The following CCR6 variants were observed in gnomAD, a reference collection of about 807,000 sequenced individuals.
CCR6 encodes C-C motif chemokine receptor 6, also known as C-C chemokine receptor type 6.
Under a neutral mutation model 3.0 loss-of-function variants are expected in CCR6, and 2 were observed. The observed-to-expected ratio is 0.66, with a 90% CI of 0.27 to 2.07. The LOEUF (loss-of-function observed/expected upper bound fraction) is 2.07. CCR6 is among the 30% of genes most tolerant of loss of function. CCR6 has a pLI of 0.14. For missense variants in CCR6, 322 were observed against 462.8 expected (o/e 0.70, Z 2.79); for synonymous variants, 193 against 184.3 (o/e 1.05, Z -0.38).
intron 1 of CCR6, chr6:167,114,955 T>G (rs1408885086): frequency 6.6e-6 from 1 of 152,274 alleles, no homozygotes. Context: ...AAAAAGAATG[T>G]GGCTTTCAGA....
intron 1 of CCR6, among the ~76,000 whole-genome samples, chr6:167,131,918 G>A (rs1583000172): frequency 6.6e-6 from 1 of 152,202 alleles, no homozygotes; most frequent in Non-Finnish European, 1.5e-5. Context: ...CCAGCCATGT[G>A]CCACCCCCAC....
chr6:167,133,970 A>ATATAT (rs1781811612), intron 1 of CCR6, among the ~76,000 whole-genome samples: 2 of 134,136 alleles, frequency 1.5e-5, no homozygotes, highest in African/African-American at 2.9e-5. Flanking sequence ...ATATATATAT[A>ATATAT]GTTTTAACAT....
chr6:167,117,650 C>T (rs968345170), intron 1 of CCR6, among the ~76,000 whole-genome samples: 6 of 151,734 alleles, frequency 4.0e-5, no homozygotes, highest in Non-Finnish European at 5.9e-5. Context: ...CTCCTGACCT[C>T]GTGATCCGCC....
At chr6:167,134,715 C>T (rs574962835) in intron 1 of CCR6, among the ~76,000 whole-genome samples, 2 of 152,328 alleles carry the variant, frequency 1.3e-5, no homozygotes, top group African/African-American at 4.8e-5. Context: ...CCTAGCTGCT[C>T]CCGCTTGGCA....
rs199829317 is a variant in CCR6 at position 167,137,304 on chromosome 6, G to A, written c.1074G>A (p.Arg358=). ...CAGRYSENIS[R]QTSETADNDN... is the part of the protein sequence containing the mutation. ...GGAGGTACTCAGAAAACATTTCTCGGCAGACCAGTGAGACCGCAGATAACG... is the reference window on the plus strand; with the variant it reads ...GGAGGTACTCAGAAAACATTTCTCGACAGACCAGTGAGACCGCAGATAACG... Residue 358 remains arginine, a synonymous_variant, in exon 3 of 3, where the codon CGG becomes CGA. Transcript: ENST00000341935. The surrounding 1 kb of genome is among the most constrained non-coding windows in gnomAD (Gnocchi z 4.6). 4 of 1,613,952 alleles carry A rather than the reference G, an allele frequency of 2.5e-6. No individual in the cohort carries two copies. The highest frequency in any genetic ancestry group is 4.5e-5 in the East Asian group (2 of 44,886).
At chr6:167,114,239 C>A (rs113943899) in intron 1 of CCR6, among the ~76,000 whole-genome samples, 203 of 152,336 alleles carry the variant, frequency 1.3e-3, no homozygotes, top group Non-Finnish European at 2.0e-3. Context: ...CCTGTGCTGT[C>A]CCCACCTCCT....
At chr6:167,131,802 C>T (rs1282614501) in intron 1 of CCR6, among the ~76,000 whole-genome samples, 3 of 152,180 alleles carry the variant, frequency 2.0e-5, no homozygotes, top group Non-Finnish European at 2.9e-5. Flanking sequence ...CACATTTGCG[C>T]GGAAGAGTAC....
chr6:167,126,329 T>C (rs1781668341), intron 1 of CCR6: 1 of 152,254 alleles, frequency 6.6e-6, no homozygotes, highest in Non-Finnish European at 1.5e-5. Context: ...AGTTTATTTC[T>C]AAGTCTAACG....
intron 1 of CCR6, among the ~76,000 whole-genome samples, chr6:167,133,317 C>T (rs994984441): frequency 1.3e-5 from 2 of 152,162 alleles, no homozygotes; most frequent in Non-Finnish European, 2.9e-5. Context: ...CAGTAAGGAT[C>T]GACTTTTTGT....
chr6:167,124,474 T>C (rs1437421480), intron 1 of CCR6, among the ~76,000 whole-genome samples: 1 of 152,172 alleles, frequency 6.6e-6, no homozygotes, highest in Non-Finnish European at 1.5e-5. Flanking sequence ...AGAACATAAA[T>C]GTATTGAACA....
chr6:167,135,090 A>G (rs3093011), intron 1 of CCR6: 1,815 of 152,306 alleles, frequency 0.012, 17 homozygotes, highest in Non-Finnish European at 0.018. Flanking sequence ...TTTCCTGACA[A>G]TCCAGTTGAT....
chr6:167,114,721 T>A (rs990968230), intron 1 of CCR6, among the ~76,000 whole-genome samples: 2 of 152,220 alleles, frequency 1.3e-5, no homozygotes, highest in African/African-American at 2.4e-5. Flanking sequence ...TAGCAGTTTA[T>A]AAGTCAGTGA....
chr6:167,127,393 T>A (rs1286145407), intron 1 of CCR6: 2 of 152,192 alleles, frequency 1.3e-5, no homozygotes, highest in Non-Finnish European at 1.5e-5. Flanking sequence ...TAGGGAAGGA[T>A]GTAGTTAGCA....
At chr6:167,118,109 A>G (rs1435895010), upstream of CCR6, among the ~76,000 whole-genome samples, 2 of 151,332 alleles carry the variant, frequency 1.3e-5, no homozygotes, top group Non-Finnish European at 2.9e-5. Flanking sequence ...TTTAATTACA[A>G]CCTCTCCATG....
chr6:167,138,716 G>T lies in CCR6; in HGVS notation c.*1361G>T, dbSNP rs1781887999. On this transcript the variant is annotated 3_prime_UTR_variant, in exon 3 of 3. Transcript: ENST00000341935. ...AAGCTAAGATGGGTGGATCACTTGA[G>T]GTCAGGAGTTTGAGACCAGCCTGGC... The T allele has an allele frequency of 6.6e-6, 1 of 152,276 alleles. No individual in the cohort carries two copies. Among genetic ancestry groups the T allele is most frequent in the African/African-American group, 2.4e-5 (1 of 41,430 alleles). The allele number at this position is 152,276 out of a possible 1,614,324, so 9.4% of individuals were successfully genotyped here.
intron 1 of CCR6, among the ~76,000 whole-genome samples, chr6:167,112,651 G>A (rs975363231): frequency 6.6e-6 from 1 of 152,156 alleles, no homozygotes; most frequent in African/African-American, 2.4e-5. Context: ...CTCGGTGGAG[G>A]GGCTGGCTTT....
Position 167,137,228 on chromosome 6 carries a change from A to G in CCR6, c.998A>G (p.Asp333Gly). 1 of 1,614,150 alleles carries G rather than the reference A, an allele frequency of 6.2e-7. No individual in the cohort carries two copies. Among genetic ancestry groups the G allele is most frequent in the East Asian group, 2.2e-5 (1 of 44,886 alleles). The stretch of plus-strand genomic sequence containing the variant: ...AACTACTTTCTGAAGATCTTGAAGG[A>G]CCTGTGGTGTGTGAGAAGGAAGTAC... The part of the protein sequence containing the change: ...FRNYFLKILK[D>G]LWCVRRKYKS... The change falls in exon 3 of 3, where the codon GAC (aspartate) becomes GGC (glycine). Residue 333 changes from aspartate to glycine, a missense_variant. Coordinates refer to ENST00000341935, the MANE Select transcript of CCR6 (RefSeq NM_031409.4). This position sits in a 1 kb window ranked among gnomAD's most constrained non-coding sequence, Gnocchi z 4.6.
chr6:167,117,944 G>GTTT (rs34732907), upstream of CCR6, among the ~76,000 whole-genome samples: 3 of 139,352 alleles, frequency 2.2e-5, no homozygotes, highest in Non-Finnish European at 3.1e-5. Flanking sequence ...GCACTTTTCT[G>GTTT]TTTTTTTTTT....
Position 167,136,655 on chromosome 6 carries a change from A to C in CCR6, c.425A>C (p.Asp142Ala). The change falls in exon 3 of 3, where the codon GAC (aspartate) becomes GCC (alanine). Residue 142 changes from aspartate to alanine, a missense_variant. Asp to Ala is a moderately radical substitution (Grantham distance 126). Transcript: ENST00000341935. The surrounding 1 kb of genome is among the most constrained non-coding windows in gnomAD (Gnocchi z 4.6). Reference sequence around the variant, plus strand: ...CTGCTCCTGACTTGCATTAGCATGGACCGGTACATCGCCATTGTACAGGCG... The same window carrying C: ...CTGCTCCTGACTTGCATTAGCATGGCCCGGTACATCGCCATTGTACAGGCG... Reference protein sequence around the residue: ...GMLLLTCISMDRYIAIVQATK... With the variant: ...GMLLLTCISMARYIAIVQATK... 6.2e-7 allele frequency: 1 copy of C among 1,614,150 alleles called. No homozygotes were observed. Among genetic ancestry groups the C allele is most frequent in the Non-Finnish European group, 8.5e-7 (1 of 1,180,036 alleles).
Sources: allele counts gnomAD v4.1 joint callset (sites outside exome capture counted in the v4.1 genomes callset), GRCh38; gene constraint gnomAD v4.1.1; non-coding constraint Gnocchi (gnomAD v3.1); transcripts MANE v1.5; gene names NCBI Gene and HGNC (gene_info 2026-07-23, HGNC 2026-07-21).